SGCZ: variants seen among roughly 807,000 people sequenced by gnomAD.
SGCZ encodes the protein sarcoglycan zeta.
Under a neutral mutation model 41.3 loss-of-function variants are expected in SGCZ, and 40 were observed. The ratio of observed to expected loss-of-function variants is 0.97; its 90% CI spans 0.75 to 1.26. SGCZ has a LOEUF of 1.26. Among genes scored for constraint, SGCZ ranks in the 50% most tolerant of loss-of-function variants. SGCZ has a pLI of 0.00. For synonymous variants in SGCZ, 206 were observed against 137.5 expected, an observed-to-expected ratio of 1.50 and a Z score of -3.49; for missense variants, 552 against 369.8, an observed-to-expected ratio of 1.49 and a Z score of -4.04.
chr8:14,596,311 T>C (rs1805412031), intron 1 of SGCZ, among the ~76,000 whole-genome samples: 1 of 152,136 alleles, frequency 6.6e-6, no homozygotes. Context: ...TATAGGATAA[T>C]AATACCATAG....
intron 6 of SGCZ, among the ~76,000 whole-genome samples, chr8:14,104,837 A>G (rs1802152309): frequency 6.6e-6 from 1 of 152,142 alleles, no homozygotes; most frequent in Non-Finnish European, 1.5e-5. Context: ...TTTTTGCAAC[A>G]ATGAGAATTA....
chr8:14,932,426 A>T (rs906673429), intron 1 of SGCZ, among the ~76,000 whole-genome samples: 1 of 152,018 alleles, frequency 6.6e-6, no homozygotes, highest in Non-Finnish European at 1.5e-5. Flanking sequence ...GGATGCAATA[A>T]AACTAATTTT....
At chr8:14,538,313 G>C (rs1392879824) in intron 2 of SGCZ, among the ~76,000 whole-genome samples, 1 of 151,830 alleles carries the variant, frequency 6.6e-6, no homozygotes, top group Non-Finnish European at 1.5e-5. Flanking sequence ...TTAAATCTTT[G>C]AGAATAGAAA....
intron 2 of SGCZ, among the ~76,000 whole-genome samples, chr8:14,359,860 A>T (rs1220852636): frequency 6.6e-6 from 1 of 152,290 alleles, no homozygotes; most frequent in South Asian, 2.1e-4. Context: ...TGATGAAAAA[A>T]CATCAACAGA....
At chr8:15,027,230 T>A (rs1803490494) in intron 1 of SGCZ, among the ~76,000 whole-genome samples, 1 of 152,132 alleles carries the variant, frequency 6.6e-6, no homozygotes, top group South Asian at 2.1e-4. Flanking sequence ...TTTTTGAAAT[T>A]CCAGGAAGTT....
chr8:14,675,413 T>A (rs571627844), intron 1 of SGCZ, among the ~76,000 whole-genome samples: 1 of 152,244 alleles, frequency 6.6e-6, no homozygotes, highest in South Asian at 2.1e-4. Flanking sequence ...GGTATGTAAT[T>A]CACATATTAA....
chr8:14,859,810 C>T (rs991064308), intron 1 of SGCZ, among the ~76,000 whole-genome samples: 1 of 152,054 alleles, frequency 6.6e-6, no homozygotes, highest in Non-Finnish European at 1.5e-5. Context: ...ATCGAAGCTC[C>T]ACAAAAAGAG....
intron 3 of SGCZ, among the ~76,000 whole-genome samples, chr8:14,314,864 T>A (rs985887817): frequency 6.6e-6 from 1 of 152,160 alleles, no homozygotes; most frequent in African/African-American, 2.4e-5. Context: ...CCACTGGGTG[T>A]CTCTTAACCA....
chr8:14,761,489 T>C (rs1563251868), intron 1 of SGCZ, among the ~76,000 whole-genome samples: 1 of 150,936 alleles, frequency 6.6e-6, no homozygotes, highest in Non-Finnish European at 1.5e-5. Flanking sequence ...TCAAGATTAA[T>C]TGTACATGTT....
At chr8:14,462,814 C>G (rs1384900705) in intron 2 of SGCZ, among the ~76,000 whole-genome samples, 1 of 151,742 alleles carries the variant, frequency 6.6e-6, no homozygotes, top group Non-Finnish European at 1.5e-5. Context: ...TGGGGTAATA[C>G]TGTCATCTTA....
At chr8:15,118,329 A>T (rs1263530131) in intron 1 of SGCZ, among the ~76,000 whole-genome samples, 1 of 152,158 alleles carries the variant, frequency 6.6e-6, no homozygotes, top group African/African-American at 2.4e-5. Flanking sequence ...AAAGTCTTGG[A>T]ACTTCCAGCT....
At chr8:15,217,488 G>A (rs1395660933) in intron 1 of SGCZ, among the ~76,000 whole-genome samples, 1 of 144,744 alleles carries the variant, frequency 6.9e-6, no homozygotes, top group Non-Finnish European at 1.5e-5. Flanking sequence ...TTCAGTGATC[G>A]TTTTGGTTTG....
intron 1 of SGCZ, among the ~76,000 whole-genome samples, chr8:14,587,224 C>T (rs1461056317): frequency 1.3e-5 from 2 of 151,670 alleles, no homozygotes; most frequent in African/African-American, 2.4e-5. Flanking sequence ...AATAAAGTTT[C>T]AACCAAACTT....
intron 5 of SGCZ, among the ~76,000 whole-genome samples, chr8:14,139,986 C>T (rs1230850298): frequency 6.6e-6 from 1 of 152,142 alleles, no homozygotes; most frequent in African/African-American, 2.4e-5. Flanking sequence ...GCTTAGCCAC[C>T]AAGATCAAAT....
At chr8:14,150,021 A>C (rs1803650522) in intron 5 of SGCZ, among the ~76,000 whole-genome samples, 1 of 152,160 alleles carries the variant, frequency 6.6e-6, no homozygotes. Flanking sequence ...TACAATAAAC[A>C]AATCAAAATG....
At chr8:14,855,099 C>A (rs1239391775) in intron 1 of SGCZ, among the ~76,000 whole-genome samples, 1 of 151,966 alleles carries the variant, frequency 6.6e-6, no homozygotes, top group Non-Finnish European at 1.5e-5. Flanking sequence ...TGTCACCCAA[C>A]TGGAGTACAG....
intron 2 of SGCZ, among the ~76,000 whole-genome samples, chr8:14,348,234 C>T (rs1409819910): frequency 1.3e-5 from 2 of 152,106 alleles, no homozygotes; most frequent in Non-Finnish European, 2.9e-5. Flanking sequence ...GTTTCCCATA[C>T]CAAGATTCCC....
At chr8:14,615,577 C>G (rs1563155052) in intron 1 of SGCZ, among the ~76,000 whole-genome samples, 1 of 152,308 alleles carries the variant, frequency 6.6e-6, no homozygotes, top group East Asian at 1.9e-4. Flanking sequence ...TTGTACATTT[C>G]TTTCACAGAT....
At chr8:14,628,227 T>G (rs958104741) in intron 1 of SGCZ, among the ~76,000 whole-genome samples, 3 of 152,084 alleles carry the variant, frequency 2.0e-5, no homozygotes, top group Admixed American at 2.0e-4. Context: ...CTAAAAAAGA[T>G]CCCATCTTGA....
Sources: allele counts gnomAD v4.1 joint callset (sites outside exome capture counted in the v4.1 genomes callset), GRCh38; gene constraint gnomAD v4.1.1; transcripts MANE v1.5; gene names NCBI Gene and HGNC (gene_info 2026-07-23, HGNC 2026-07-21).